PCNX2: variants seen among roughly 807,000 people sequenced by gnomAD.
PCNX2 encodes the protein pecanex-like protein 2.
In PCNX2, 168 loss-of-function variants were observed where a neutral mutation model predicts 223.8. The ratio of observed to expected loss-of-function variants is 0.75; its 90% CI spans 0.66 to 0.85. The LOEUF (loss-of-function observed/expected upper bound fraction) is 0.85. Ranked by LOEUF, PCNX2 falls within the 40% of genes least tolerant of loss-of-function variation. PCNX2 has a pLI of 0.00. For missense variants in PCNX2, 2,507 were observed against 2,675.5 expected (o/e 0.94, Z 1.39); for synonymous variants, 1,006 against 1,052.6 (o/e 0.96, Z 0.86).
intron 15 of PCNX2, among the ~76,000 whole-genome samples, chr1:233,189,151 A>C (rs1411544420): frequency 1.3e-5 from 2 of 152,328 alleles, no homozygotes; most frequent in Admixed American, 1.3e-4. Flanking sequence ...AATCCATTTT[A>C]CAATGGAAAA....
chr1:233,269,478 A>G (rs1008510396), intron 1 of PCNX2, among the ~76,000 whole-genome samples: 1 of 152,170 alleles, frequency 6.6e-6, no homozygotes, highest in African/African-American at 2.4e-5. Context: ...TTCTCCAATT[A>G]TTTTCTGAGA....
Position 233,021,127 on chromosome 1 carries a change from G to A in PCNX2, c.4606-3973C>T, listed in dbSNP as rs988600387. 3.9e-5 allele frequency among the ~76,000 whole-genome samples: 6 copies of A among 152,156 alleles called. No homozygotes were observed. In the South Asian group the frequency reaches 1.2e-3, roughly 32 times the overall value. On this transcript the variant is annotated intron_variant, in intron 26 of 33. Transcript: ENST00000258229. ...AATTTCCCTTAACTAGCTGCACTGG[G>A]GAATGAGTGCAGGTTCCAAGCCACC... is the stretch of plus-strand genomic sequence containing the variant.
At chr1:233,168,751 G>A (rs1274350289) in intron 17 of PCNX2, among the ~76,000 whole-genome samples, 2 of 151,866 alleles carry the variant, frequency 1.3e-5, no homozygotes, top group African/African-American at 2.4e-5. Context: ...ATCATAGGTT[G>A]TAAGCATTTC....
At position 233,092,513 on chromosome 1, in the gene PCNX2, AAT is replaced by A. The variant is rs1045585840; in HGVS notation, c.3947-2325_3947-2324del. ...TAAAGTTCAATGTGGTAGGAAAGGA[AAT>A]GACGTTTAACAGGTTAGAGGGAGGG... On this transcript the variant is annotated intron_variant, in intron 22 of 33. Coordinates refer to ENST00000258229, the MANE Select transcript of PCNX2 (RefSeq NM_014801.4). Among the ~76,000 whole-genome samples, 13 of 152,184 alleles carry A rather than the reference AAT, an allele frequency of 8.5e-5. 1 individual carries two copies. Among genetic ancestry groups the A allele is most frequent in the South Asian group, 8.3e-4 (4 of 4,826 alleles).
chr1:233,067,236 T>C (rs1672647153), intron 23 of PCNX2, among the ~76,000 whole-genome samples: 1 of 151,238 alleles, frequency 6.6e-6, no homozygotes, highest in East Asian at 2.0e-4. Context: ...CAAAATGAAT[T>C]TTAAAAGACA....
chr1:233,289,534 G>T, intron 1 of PCNX2: 1 of 658,374 alleles, frequency 1.5e-6, no homozygotes, highest in Non-Finnish European at 2.7e-6. Context: ...CAGGCTCTTC[G>T]CCTGAAATAC....
At chr1:233,218,251 T>A in intron 10 of PCNX2, 67 bp from the exon 11 acceptor site, 1 of 1,139,570 alleles carries the variant, frequency 8.8e-7, no homozygotes, top group Non-Finnish European at 1.2e-6. Flanking sequence ...TTTGCCTTTT[T>A]TTTTTTTTTT....
intron 24 of PCNX2, among the ~76,000 whole-genome samples, chr1:233,056,170 T>C (rs761594276): frequency 3.3e-5 from 5 of 152,202 alleles, no homozygotes; most frequent in African/African-American, 9.6e-5. Flanking sequence ...TTTTCTCTAA[T>C]GAAGCAGCAC....
At chr1:233,274,260 T>C (rs745654082) in intron 1 of PCNX2, among the ~76,000 whole-genome samples, 9 of 152,224 alleles carry the variant, frequency 5.9e-5, no homozygotes, top group Non-Finnish European at 7.3e-5. Flanking sequence ...TTGACACTAC[T>C]GACATCTTGG....
intron 33 of PCNX2, chr1:232,985,775 G>A (rs1669451594): frequency 1.7e-6 from 1 of 590,122 alleles, no homozygotes; most frequent in South Asian, 2.1e-5. Flanking sequence ...GTGAATGGGT[G>A]GAGGGCATTC....
chr1:233,098,258 C>T (rs1052796634), intron 21 of PCNX2, among the ~76,000 whole-genome samples: 4 of 152,214 alleles, frequency 2.6e-5, no homozygotes, highest in Admixed American at 6.5e-5. Flanking sequence ...AGGTCAGCTA[C>T]AGCAACTATA....
Position 233,253,391 on chromosome 1 carries a change from C to G in PCNX2, c.1835-603G>C, listed in dbSNP as rs2102988838. ...TGTTGCCAAGGCTGGAGGCTGGAGG[C>G]TGGAGTGCAATGGTGGAGTCATAGC... On this transcript the variant is annotated intron_variant, in intron 5 of 33. Coordinates refer to ENST00000258229, the MANE Select transcript of PCNX2 (RefSeq NM_014801.4). This position sits in a 1 kb window ranked among gnomAD's most constrained non-coding sequence, Gnocchi z 4.2. 6.6e-6 allele frequency among the ~76,000 whole-genome samples: 1 copy of G among 152,302 alleles called. No individual in the cohort carries two copies. Among genetic ancestry groups the G allele is most frequent in the African/African-American group, 2.4e-5 (1 of 41,558 alleles).
intron 9 of PCNX2, among the ~76,000 whole-genome samples, chr1:233,234,990 G>A (rs1658300867): frequency 6.6e-6 from 1 of 151,950 alleles, no homozygotes. Flanking sequence ...CCGGTGGTCA[G>A]TGAGTGGCAG....
chr1:233,095,390 T>C (rs1674104548), intron 22 of PCNX2: 1 of 216,890 alleles, frequency 4.6e-6, no homozygotes, highest in African/African-American at 2.3e-5. Context: ...ATTGAATGCA[T>C]TAAACCTATC....
intron 5 of PCNX2, among the ~76,000 whole-genome samples, chr1:233,254,018 C>G (rs890387990): frequency 7.2e-5 from 11 of 152,198 alleles, no homozygotes; most frequent in Non-Finnish European, 2.9e-5. Flanking sequence ...CCTACAAGTT[C>G]TTTCAAGACA....
At chr1:233,150,603 C>T (rs1677739626) in intron 19 of PCNX2, among the ~76,000 whole-genome samples, 1 of 152,204 alleles carries the variant, frequency 6.6e-6, no homozygotes, top group South Asian at 2.1e-4. Flanking sequence ...ACTTGACCTA[C>T]ATTTTCTTGC....
At chr1:233,261,035 G>A (rs933360134) in intron 4 of PCNX2, among the ~76,000 whole-genome samples, 1 of 151,920 alleles carries the variant, frequency 6.6e-6, no homozygotes, top group Non-Finnish European at 1.5e-5. Context: ...TATGAAATGA[G>A]GCATAGACTG....
chr1:233,028,921 C>T (rs1279574435), intron 25 of PCNX2, among the ~76,000 whole-genome samples: 5 of 151,148 alleles, frequency 3.3e-5, no homozygotes, highest in Non-Finnish European at 7.4e-5. Context: ...TCACTGCAAC[C>T]TCTGCTTCCC....
At chr1:233,172,267 A>T (rs1553305885) in intron 17 of PCNX2, 1 of 819,230 alleles carries the variant, frequency 1.2e-6, no homozygotes, top group Non-Finnish European at 1.5e-6. Context: ...CCCTAAAAAA[A>T]CTGGTTTGGG....
Sources: gnomAD v4.1 joint callset for allele counts (sites outside exome capture counted in the v4.1 genomes callset) on GRCh38, gnomAD v4.1.1 for gene constraint, Gnocchi (gnomAD v3.1) non-coding constraint, MANE v1.5 for transcripts, NCBI Gene and HGNC (gene_info 2026-07-23, HGNC 2026-07-21) for gene names.